TEX11: variants seen among roughly 807,000 people sequenced by gnomAD.
TEX11 encodes the protein testis-expressed protein 11.
A neutral mutation model predicts 84.4 loss-of-function variants in TEX11; 7 were observed. The observed-to-expected ratio is 0.08, with a 90% CI of 0.05 to 0.16. TEX11 has a LOEUF of 0.16. Among genes scored for constraint, TEX11 ranks in the 10% least tolerant of loss-of-function variants. The probability of loss-of-function intolerance (pLI) is 1.00; values close to 1 mark genes in which losing one functional copy is unlikely to be tolerated. For synonymous variants in TEX11, 264 were observed against 222.8 expected, an observed-to-expected ratio of 1.18 and a Z score of -1.64; for missense variants, 551 against 660.5, an observed-to-expected ratio of 0.83 and a Z score of 1.82.
At chrX:70,847,683 A>G (rs2091486827) in intron 7 of TEX11, among the ~76,000 whole-genome samples, 1 of 111,506 alleles carries the variant, frequency 9.0e-6, no homozygotes, top group South Asian at 3.8e-4. Context: ...CTGAGACCAC[A>G]GGCATGTGCC....
chrX:70,548,333 G>A (rs2088165276), intron 28 of TEX11, among the ~76,000 whole-genome samples: 1 of 109,751 alleles, frequency 9.1e-6, no homozygotes, highest in South Asian at 4.0e-4. Flanking sequence ...ATGAGTTAAT[G>A]GGTGCAGCAC....
At chrX:70,792,341 TATATATATATATATATACAC>T (rs755531278) in intron 9 of TEX11, among the ~76,000 whole-genome samples, 1,118 of 11,229 alleles carry the variant, frequency 0.1, 137 homozygotes, top group African/African-American at 0.33. Context: ...TATATATATA[TATATATATATATATATACAC>T]ACACAAATAT....
At chrX:70,775,320 A>T (rs1357477242) in intron 9 of TEX11, among the ~76,000 whole-genome samples, 1 of 111,427 alleles carries the variant, frequency 9.0e-6, no homozygotes, top group African/African-American at 3.3e-5. Context: ...GACAACAAAA[A>T]CACGAATAGA....
chrX:70,565,898 G>A (rs1273451939), intron 25 of TEX11, among the ~76,000 whole-genome samples: 1 of 110,454 alleles, frequency 9.1e-6, no homozygotes, highest in Non-Finnish European at 1.9e-5. Flanking sequence ...CTCTTTTTTG[G>A]TTCCATATGA....
chrX:70,545,344 A>C (rs1262958048), intron 28 of TEX11, among the ~76,000 whole-genome samples: 2 of 112,444 alleles, frequency 1.8e-5, no homozygotes, highest in African/African-American at 6.5e-5. Flanking sequence ...TCCTATTTTT[A>C]ATTTTTTAAA....
rs1012750050 is a variant in TEX11 at position 70,839,841 on chromosome X, C to T, written c.526-6248G>A. Among the ~76,000 whole-genome samples, 16 of 111,704 alleles carry T rather than the reference C, an allele frequency of 1.4e-4. No individual in the cohort carries two copies. In the South Asian group the frequency reaches 1.5e-3, roughly 11 times the overall value. On this transcript the variant is annotated intron_variant, in intron 7 of 29. Coordinates refer to ENST00000374333, the MANE Select transcript of TEX11 (RefSeq NM_031276.3). ...CAAGGCACGAGAGCTACGTGATGAA[C>T]GCAGAAGCCTCAGTAGCCGATGCGA...
At chrX:70,632,779 G>A (rs2089525909) in intron 17 of TEX11, among the ~76,000 whole-genome samples, 2 of 110,754 alleles carry the variant, frequency 1.8e-5, no homozygotes, top group South Asian at 7.8e-4. Context: ...GATAATATGG[G>A]GGATATTATG....
At chrX:70,785,796 G>A (rs1044423787) in intron 9 of TEX11, among the ~76,000 whole-genome samples, 2 of 111,704 alleles carry the variant, frequency 1.8e-5, no homozygotes, top group African/African-American at 6.5e-5. Flanking sequence ...TTAGAATAGA[G>A]ATCATTAAAA....
chrX:70,583,555 T>C (rs1401090913), intron 25 of TEX11, among the ~76,000 whole-genome samples: 1 of 112,420 alleles, frequency 8.9e-6, no homozygotes, highest in Non-Finnish European at 1.9e-5. Flanking sequence ...CAACTGTGAA[T>C]AGTGCTGCAA....
chrX:70,594,781 G>C (rs1250182190), intron 24 of TEX11, among the ~76,000 whole-genome samples: 1 of 111,185 alleles, frequency 9.0e-6, no homozygotes, highest in Non-Finnish European at 1.9e-5. Flanking sequence ...AGATCTGATG[G>C]TTCTGTAAGT....
At chrX:70,749,953 A>G (rs1241946910) in intron 9 of TEX11, among the ~76,000 whole-genome samples, 2 of 111,117 alleles carry the variant, frequency 1.8e-5, no homozygotes, top group Non-Finnish European at 3.8e-5. Context: ...GCTTCTGCAC[A>G]GCAAAAGAAA....
chrX:70,563,538 TG>T (rs2088406334), intron 25 of TEX11, among the ~76,000 whole-genome samples: 1 of 112,094 alleles, frequency 8.9e-6, no homozygotes, highest in Non-Finnish European at 1.9e-5. Flanking sequence ...CTAGGAGGCC[TG>T]GAATTATTCC....
intron 9 of TEX11, among the ~76,000 whole-genome samples, chrX:70,800,807 C>T (rs1255196050): frequency 1.9e-5 from 2 of 108,080 alleles, no homozygotes; most frequent in African/African-American, 6.7e-5. Flanking sequence ...ATCCTCCCAC[C>T]TCAGCCTTTC....
intron 16 of TEX11, among the ~76,000 whole-genome samples, chrX:70,655,844 G>A (rs756150445): frequency 8.2e-5 from 9 of 110,206 alleles, no homozygotes; most frequent in Admixed American, 1.9e-4. Context: ...AACTAATACC[G>A]TATCTATACA....
rs780861827 is a variant in TEX11 at position 70,833,546 on chromosome X, T to C, written c.573A>G (p.Gln191=). ...DFQRASMCVL[Q]CKDMLMRLPQ... is the part of the protein sequence containing the mutation. ...GGAGCCTCATCAACATATCTTTACA[T>C]TGCAGTACACACATAGATGCTCTTT... is the stretch of plus-strand genomic sequence containing the variant. The change falls in exon 8 of 30, where the codon CAA becomes CAG. Residue 191 remains glutamine (Q), a synonymous_variant. Coordinates refer to ENST00000374333, the MANE Select transcript of TEX11 (RefSeq NM_031276.3). The C allele has an allele frequency of 2.7e-5, 33 of 1,205,633 alleles. No homozygotes were observed. Among genetic ancestry groups the C allele is most frequent in the Non-Finnish European group, 3.5e-5 (31 of 893,501 alleles).
At chrX:70,886,063 C>T (rs2091707699) in intron 2 of TEX11, among the ~76,000 whole-genome samples, 1 of 110,825 alleles carries the variant, frequency 9.0e-6, no homozygotes, top group South Asian at 3.8e-4. Flanking sequence ...ATACAACTCG[C>T]ATATGATACA....
intron 13 of TEX11, among the ~76,000 whole-genome samples, chrX:70,694,980 A>G (rs2090267758): frequency 8.9e-6 from 1 of 111,917 alleles, no homozygotes; most frequent in Non-Finnish European, 1.9e-5. Flanking sequence ...GCCCCAAGTT[A>G]TTCATGACCT....
chrX:70,736,128 CTT>C (rs1343372162), intron 11 of TEX11, among the ~76,000 whole-genome samples: 2 of 111,531 alleles, frequency 1.8e-5, no homozygotes, highest in East Asian at 2.8e-4. Context: ...TTTAATGAGA[CTT>C]AATTTTACCT....
chrX:70,539,038 A>ATATATATATATATATATT, intron 28 of TEX11, among the ~76,000 whole-genome samples: 2 of 41,245 alleles, frequency 4.8e-5, no homozygotes, highest in Non-Finnish European at 8.1e-5. Flanking sequence ...ATATATATAT[A>ATATATATATATATATATT]TTTTTTTTTT....
Sources: allele counts gnomAD v4.1 joint callset (sites outside exome capture counted in the v4.1 genomes callset), GRCh38; gene constraint gnomAD v4.1.1; transcripts MANE v1.5; gene names NCBI Gene and HGNC (gene_info 2026-07-23, HGNC 2026-07-21).